The following ASB11 variants were observed in gnomAD, a reference collection of about 807,000 sequenced individuals.
The protein encoded by ASB11 is ankyrin repeat and SOCS box containing 11.
A neutral mutation model predicts 20.1 loss-of-function variants in ASB11; 17 were observed. That is an observed-to-expected ratio of 0.85 (90% CI 0.58 to 1.27). ASB11 has a LOEUF of 1.27. ASB11 is among the 50% of genes most tolerant of loss of function. The pLI, the probability that ASB11 is intolerant of heterozygous loss-of-function variation, is 0.00. For synonymous variants in ASB11, 107 were observed against 105.6 expected (o/e 1.01, Z -0.08); for missense variants, 259 against 256.9 (o/e 1.01, Z -0.06).
chrX:15,295,341 A>G (rs1177738160), intron 3 of ASB11, among the ~76,000 whole-genome samples: 11 of 112,419 alleles, frequency 9.8e-5, no homozygotes, highest in Admixed American at 7.5e-4. Flanking sequence ...GTGCCTGGCC[A>G]AAAAGAAATC....
At chrX:15,289,885 A>C (rs768708317) in intron 4 of ASB11, 2 of 245,283 alleles carry the variant, frequency 8.2e-6, no homozygotes, top group Non-Finnish European at 1.5e-5. Flanking sequence ...TTAGCTGGGC[A>C]TGGTGGCACA....
rs767793877 is a variant in ASB11 at position 15,299,831 on chromosome X, C to A, written c.262-2150G>T. Among the ~76,000 whole-genome samples the A allele has an allele frequency of 3.2e-4, 36 of 111,443 alleles. No individual in the cohort carries two copies. The South Asian group carries it at 0.012, about 38-fold the overall frequency. On this transcript the variant is annotated intron_variant, in intron 2 of 6. Transcript: ENST00000480796. The stretch of plus-strand genomic sequence containing the variant: ...GATCCTATGCCTTGTAACTGACCAA[C>A]TGAAAGCTTCCAAAACCCAATGCCA...
At chrX:15,283,707 G>A in intron 6 of ASB11, 78 bp from the exon 7 acceptor site, 3 of 1,114,935 alleles carry the variant, frequency 2.7e-6, no homozygotes, top group Non-Finnish European at 3.7e-6. Context: ...AGAACTGGAA[G>A]AGGCGGAAAT....
At chrX:15,291,058 T>A (rs1927518479) in intron 4 of ASB11, among the ~76,000 whole-genome samples, 1 of 111,830 alleles carries the variant, frequency 8.9e-6, no homozygotes, top group East Asian at 2.8e-4. Flanking sequence ...ACAGCCTAGT[T>A]TGAGTTAAAT....
intron 1 of ASB11, chrX:15,314,457 C>T: frequency 2.5e-6 from 3 of 1,201,115 alleles, no homozygotes; most frequent in Non-Finnish European, 3.4e-6. Flanking sequence ...CTTCACAATT[C>T]TTCTCATTTT....
At position 15,302,785 on chromosome X, in the gene ASB11, T is replaced by C; in HGVS notation, c.204A>G (p.Pro68=). The change falls in exon 2 of 7, where the codon CCA becomes CCG. Residue 68 remains proline, a synonymous_variant. Coordinates refer to ENST00000480796, the MANE Select transcript of ASB11 (RefSeq NM_080873.3). ...GISDCWADRS[P]LHEAAAQGRL... ...GCCCCTGAGCTGCAGCTTCATGAAG[T>C]GGGGATCGATCAGCCCAGCAATCTG... 1 of 1,210,753 alleles carries C rather than the reference T, an allele frequency of 8.3e-7. No individual in the cohort carries two copies. Among genetic ancestry groups the C allele is most frequent in the Non-Finnish European group, 1.1e-6 (1 of 894,934 alleles).
At chrX:15,296,168 G>A (rs148049394) in intron 3 of ASB11, among the ~76,000 whole-genome samples, 4,322 of 110,686 alleles carry the variant, frequency 0.039, 216 homozygotes, top group African/African-American at 0.13. Flanking sequence ...GGAATCGTTC[G>A]AATCTAGGAA....
chrX:15,302,934 G>T, intron 1 of ASB11, 127 bp from the exon 2 acceptor site: 1 of 548,992 alleles, frequency 1.8e-6, no homozygotes, highest in Non-Finnish European at 3.1e-6. Flanking sequence ...CAGGTATCAC[G>T]CATCAGGCTC....
chrX:15,286,663 C>CAAAAAAAAAAAAAAAAA (rs764801887), intron 6 of ASB11, among the ~76,000 whole-genome samples: 1 of 54,408 alleles, frequency 1.8e-5, no homozygotes, highest in African/African-American at 7.7e-5. Context: ...GACTCCATCT[C>CAAAAAAAAAAAAAAAAA]AAAAAAAAAA....
At chrX:15,295,553 A>G (rs1920958966) in intron 3 of ASB11, among the ~76,000 whole-genome samples, 1 of 111,241 alleles carries the variant, frequency 9.0e-6, no homozygotes, top group Admixed American at 9.6e-5. Flanking sequence ...GAAACTAGGA[A>G]CCCAAGATGA....
At position 15,282,990 on chromosome X, in the gene ASB11, A is replaced by AT. The variant is rs1927228441; in HGVS notation, c.*514_*515insA. Reference sequence around the variant, plus strand: ...TGTATATATATACGTATATATATATACGTATATGTATGTATATATATATAC... The same window carrying AT: ...TGTATATATATACGTATATATATATATCGTATATGTATGTATATATATATAC... On this transcript the variant is annotated 3_prime_UTR_variant, in exon 7 of 7. Coordinates refer to ENST00000480796, the MANE Select transcript of ASB11 (RefSeq NM_080873.3). 1 of 105,219 alleles carries AT rather than the reference A, an allele frequency of 9.5e-6. No homozygotes were observed. Among genetic ancestry groups the AT allele is most frequent in the African/African-American group, 3.4e-5 (1 of 28,992 alleles). The allele number at this position is 105,219 out of a possible 1,213,427, so 8.7% of individuals were successfully genotyped here.
chrX:15,310,869 C>T (rs1377072937), intron 1 of ASB11, among the ~76,000 whole-genome samples: 1 of 111,346 alleles, frequency 9.0e-6, no homozygotes, highest in African/African-American at 3.3e-5. Flanking sequence ...CGCCTGTACT[C>T]CCAGCTACTC....
chrX:15,301,172 A>G (rs1921053247), intron 2 of ASB11, among the ~76,000 whole-genome samples: 1 of 111,267 alleles, frequency 9.0e-6, no homozygotes, highest in African/African-American at 3.3e-5. Context: ...CATGTTGCCC[A>G]GGCTGGTCTC....
chrX:15,300,909 G>A (rs1291740452), intron 2 of ASB11, among the ~76,000 whole-genome samples: 1 of 111,750 alleles, frequency 8.9e-6, no homozygotes, highest in African/African-American at 3.3e-5. Flanking sequence ...GTGGGAGACT[G>A]AGAGAGAAGA....
chrX:15,295,049 T>C (rs1476701318), intron 3 of ASB11, among the ~76,000 whole-genome samples: 2 of 111,409 alleles, frequency 1.8e-5, no homozygotes, highest in Non-Finnish European at 3.8e-5. Context: ...TTTTTTTTAA[T>C]TTTTTTATTT....
Position 15,283,371 on chromosome X carries a change from A to G in ASB11, c.*134T>C. The G allele has an allele frequency of 2.2e-6, 2 of 896,344 alleles. No homozygotes were observed. The highest frequency in any genetic ancestry group is 3.2e-6 in the Non-Finnish European group (2 of 631,388). 73.9% of individuals were successfully genotyped at this position (896,344 alleles called of 1,213,427 possible). A position where few individuals can be genotyped will look rare whatever the true frequency, so the allele number is the denominator to read the frequency against. On this transcript the variant is annotated 3_prime_UTR_variant, in exon 7 of 7. Transcript: ENST00000480796. ...TTCCACTCCTCAAGTGTTCTAGCTC[A>G]TGGGGGATTTACTTCGACTGAGCTC...
intron 3 of ASB11, among the ~76,000 whole-genome samples, chrX:15,297,309 C>A (rs59613554): frequency 0.029 from 2,966 of 103,764 alleles, 151 homozygotes; most frequent in African/African-American, 0.099. Context: ...CAAAACAAAA[C>A]AAAAAAAAAA....
rs1163773175 is a variant in ASB11, at chrX:15,315,434, C to T, written c.172G>A (p.Gly58Arg). The stretch of plus-strand genomic sequence containing the variant: ...ATTCATGTACTTTTACCTGAAATTC[C>T]ACCATAGATCTCTTCTGCTATCCTA... ...AARIAEEIYG[G>R]ISDCWADRSP... Residue 58 changes from glycine to arginine, a missense_variant, in exon 1 of 7, where the codon GGA (glycine) becomes AGA (arginine). Physicochemically the swap from Gly to Arg is moderately radical, Grantham distance 125. Coordinates refer to ENST00000480796, the MANE Select transcript of ASB11 (RefSeq NM_080873.3). 3.7e-6 allele frequency: 4 copies of T among 1,079,507 alleles called. No individual in the cohort carries two copies. The highest frequency in any genetic ancestry group is 2.9e-5 in the South Asian group (1 of 34,753). The allele number at this position is 1,079,507 out of a possible 1,213,427, so 89.0% of individuals were successfully genotyped here.
intron 2 of ASB11, among the ~76,000 whole-genome samples, chrX:15,301,282 T>C (rs1396653222): frequency 1.8e-5 from 2 of 112,016 alleles, no homozygotes; most frequent in East Asian, 5.6e-4. Context: ...TTTTAAATAA[T>C]TGTAATTTTT....
Sources: gnomAD v4.1 joint callset for allele counts (sites outside exome capture counted in the v4.1 genomes callset) on GRCh38, gnomAD v4.1.1 for gene constraint, MANE v1.5 for transcripts, NCBI Gene and HGNC (gene_info 2026-07-23, HGNC 2026-07-21) for gene names.